DOCK1: variants seen among roughly 807,000 people sequenced by gnomAD.
The protein encoded by DOCK1 is dedicator of cytokinesis protein 1.
In DOCK1, 138 loss-of-function variants were observed where a neutral mutation model predicts 262.7. The ratio of observed to expected loss-of-function variants is 0.53; its 90% CI spans 0.46 to 0.61. The LOEUF (loss-of-function observed/expected upper bound fraction) is 0.61. DOCK1 is among the 20% of genes least tolerant of loss of function. DOCK1 has a pLI of 0.00. For missense variants in DOCK1, 1,908 were observed against 2,370.7 expected, an observed-to-expected ratio of 0.80 and a Z score of 4.05; for synonymous variants, 866 against 867.4, an observed-to-expected ratio of 1.00 and a Z score of 0.03.
In DOCK1 at chr10:127,034,015, G is replaced by A. The variant is rs1030105027; in HGVS notation, c.1912+1695G>A. ...GGGTCCTAGCTTGTGGTTGTGTAGT[G>A]GTCTCCATGAGCATATGAAAAGCCT... On this transcript the variant is annotated intron_variant, in intron 18 of 51. Transcript: ENST00000623213. 4.6e-5 allele frequency among the ~76,000 whole-genome samples: 7 copies of A among 152,244 alleles called. No individual in the cohort carries two copies. The South Asian group carries it at 1.5e-3, about 32-fold the overall frequency.
rs1324365628 is a variant in DOCK1 at position 127,250,969 on chromosome 10, AT to A, written c.2949+2870del. Among the ~76,000 whole-genome samples, 13 of 149,418 alleles carry A rather than the reference AT, an allele frequency of 8.7e-5. No homozygotes were observed. The East Asian group carries it at 1.2e-3, about 14-fold the overall frequency. On this transcript the variant is annotated intron_variant, in intron 28 of 51. Coordinates refer to ENST00000623213, the MANE Select transcript of DOCK1 (RefSeq NM_001290223.2). ...TGACTGTTTTTCAACTCTGACAACG[AT>A]TTTTTTTTTGAGACAGAGTTTCACT...
At chr10:126,930,088 C>T (rs1052039159) in intron 1 of DOCK1, among the ~76,000 whole-genome samples, 4 of 152,210 alleles carry the variant, frequency 2.6e-5, no homozygotes, top group African/African-American at 4.8e-5. Flanking sequence ...TGTCTGCCTT[C>T]GTCCATTTAG....
At chr10:126,994,672 G>A (rs2040039668) in intron 6 of DOCK1, among the ~76,000 whole-genome samples, 1 of 152,234 alleles carries the variant, frequency 6.6e-6, no homozygotes, top group Non-Finnish European at 1.5e-5. Flanking sequence ...CAAGGCAGAA[G>A]AATTTTTCTT....
intron 37 of DOCK1, among the ~76,000 whole-genome samples, chr10:127,381,685 G>C (rs1169819493): frequency 6.6e-6 from 1 of 152,178 alleles, no homozygotes; most frequent in Non-Finnish European, 1.5e-5. Context: ...ACTCCAGGAT[G>C]GTGGAGAACA....
intron 23 of DOCK1, among the ~76,000 whole-genome samples, chr10:127,081,746 A>G (rs75822622): frequency 0.023 from 3,402 of 150,316 alleles, 62 homozygotes; most frequent in Non-Finnish European, 0.031. Context: ...GTGGACAAAT[A>G]GAATCGTGGC....
intron 23 of DOCK1, among the ~76,000 whole-genome samples, chr10:127,093,847 C>T (rs1398476215): frequency 2.6e-5 from 4 of 152,122 alleles, no homozygotes; most frequent in African/African-American, 9.7e-5. Flanking sequence ...TTATAATGAA[C>T]AGCAGTTTAC....
At chr10:127,031,625 A>G in intron 16 of DOCK1, 25 bp from the exon 17 acceptor site, 2 of 1,561,346 alleles carry the variant, frequency 1.3e-6, no homozygotes, top group South Asian at 1.1e-5. Context: ...AGCAATCATC[A>G]ATTTTTTTGT....
At chr10:127,257,268 G>T in intron 28 of DOCK1, 67 bp from the exon 29 acceptor site, 1 of 1,259,962 alleles carries the variant, frequency 7.9e-7, no homozygotes, top group East Asian at 2.6e-5. Flanking sequence ...TAATCTAATT[G>T]ACAGGAGGGT....
intron 21 of DOCK1, among the ~76,000 whole-genome samples, chr10:127,050,308 T>C (rs1445711339): frequency 1.3e-5 from 2 of 151,310 alleles, no homozygotes; most frequent in East Asian, 3.9e-4. Flanking sequence ...AACAGATATT[T>C]CCTTAATTAT....
At chr10:127,300,847 C>T (rs1475300545) in intron 29 of DOCK1, among the ~76,000 whole-genome samples, 5 of 152,174 alleles carry the variant, frequency 3.3e-5, no homozygotes, top group Non-Finnish European at 7.3e-5. Context: ...TTCATCCGTT[C>T]CTCCTTGCCA....
At chr10:127,403,205 ATC>A (rs1215648278) in intron 39 of DOCK1, 61 bp downstream of exon 39, 2 of 1,506,386 alleles carry the variant, frequency 1.3e-6, no homozygotes, top group Admixed American at 3.9e-5. Context: ...TTTTTCAGGA[ATC>A]TCTCTTTCCA....
At chr10:127,194,058 A>G (rs572821169) in intron 27 of DOCK1, among the ~76,000 whole-genome samples, 2 of 152,390 alleles carry the variant, frequency 1.3e-5, no homozygotes, top group South Asian at 4.1e-4. Flanking sequence ...GTTTAAAGAC[A>G]TATGTAGCTT....
intron 27 of DOCK1, among the ~76,000 whole-genome samples, chr10:127,184,971 C>G (rs1288181711): frequency 2.6e-5 from 4 of 152,170 alleles, no homozygotes; most frequent in Non-Finnish European, 5.9e-5. Context: ...GTGTCTAGTC[C>G]AGCAGGAGAG....
At chr10:127,030,455 G>A (rs554684729) in intron 16 of DOCK1, among the ~76,000 whole-genome samples, 125 of 152,146 alleles carry the variant, frequency 8.2e-4, no homozygotes, top group Non-Finnish European at 1.3e-3. Context: ...TCTGCGCTAG[G>A]TCCCCCTCTT....
At chr10:127,236,586 G>A (rs1418948977) in intron 27 of DOCK1, among the ~76,000 whole-genome samples, 5 of 128,950 alleles carry the variant, frequency 3.9e-5, no homozygotes, top group African/African-American at 1.5e-4. Context: ...GTCCTTTCCA[G>A]TACCACACTG....
At chr10:127,025,701 C>T (rs1166941589) in intron 15 of DOCK1, among the ~76,000 whole-genome samples, 2 of 151,972 alleles carry the variant, frequency 1.3e-5, no homozygotes, top group Admixed American at 6.5e-5. Context: ...CCACCCTCCT[C>T]GGCCTCCCAG....
chr10:127,164,088 A>G (rs1014721187), intron 27 of DOCK1, among the ~76,000 whole-genome samples: 2 of 143,388 alleles, frequency 1.4e-5, no homozygotes, highest in African/African-American at 5.1e-5. Flanking sequence ...GTCCCAGGGG[A>G]CGCAGGGGTC....
chr10:127,088,189 A>G (rs143461228), intron 23 of DOCK1, among the ~76,000 whole-genome samples: 42 of 152,322 alleles, frequency 2.8e-4, no homozygotes, highest in Non-Finnish European at 5.7e-4. Context: ...TGAAATCATC[A>G]AACACCAAAC....
chr10:126,939,923 C>T (rs1043592838), intron 1 of DOCK1, among the ~76,000 whole-genome samples: 13 of 152,280 alleles, frequency 8.5e-5, no homozygotes, highest in Admixed American at 2.6e-4. Flanking sequence ...TTGAAGGCCA[C>T]GCCTACCTTG....
Sources: gnomAD v4.1 joint callset for allele counts (sites outside exome capture counted in the v4.1 genomes callset) on GRCh38, gnomAD v4.1.1 for gene constraint, MANE v1.5 for transcripts, NCBI Gene and HGNC (gene_info 2026-07-23, HGNC 2026-07-21) for gene names.